Variants in PIP5K1A observed in about 807,000 individuals in gnomAD.
PIP5K1A encodes the protein phosphatidylinositol 4-phosphate 5-kinase type-1 alpha.
PIP5K1A carries 46 observed loss-of-function variants against 72.9 expected under a neutral mutation model. The ratio of observed to expected loss-of-function variants is 0.63; its 90% CI spans 0.50 to 0.81. The LOEUF is 0.81. PIP5K1A is among the 30% of genes least tolerant of loss of function. The probability of loss-of-function intolerance (pLI) is 0.00; values close to 1 mark genes in which losing one functional copy is unlikely to be tolerated. For synonymous variants in PIP5K1A, 228 were observed against 255.1 expected (o/e 0.89, Z 1.01); for missense variants, 458 against 706.1 (o/e 0.65, Z 3.98).
At chr1:151,224,451 T>A in intron 3 of PIP5K1A, 45 bp downstream of exon 3, 1 of 1,321,948 alleles carries the variant, frequency 7.6e-7, no homozygotes, top group Non-Finnish European at 1.1e-6. Context: ...TAGTTTATTT[T>A]AAATATTAAC....
At chr1:151,222,164 G>A (rs587673496) in intron 1 of PIP5K1A, among the ~76,000 whole-genome samples, 4 of 152,260 alleles carry the variant, frequency 2.6e-5, no homozygotes, top group African/African-American at 9.6e-5. Context: ...TCATTGGTAG[G>A]TTGGATCTCT....
At chr1:151,203,953 A>T (rs1685568989) in intron 1 of PIP5K1A, among the ~76,000 whole-genome samples, 5 of 152,194 alleles carry the variant, frequency 3.3e-5, no homozygotes, top group Admixed American at 2.6e-4. Flanking sequence ...TCATGTGCAC[A>T]AATGATTTAG....
intron 14 of PIP5K1A, among the ~76,000 whole-genome samples, chr1:151,245,063 G>A (rs1383732929): frequency 2.0e-5 from 3 of 151,208 alleles, no homozygotes; most frequent in Non-Finnish European, 2.9e-5. Context: ...TTTTAGCATC[G>A]TTTGCTCTCT....
At chr1:151,242,089 G>A (rs1192278256) in intron 12 of PIP5K1A, 34 bp from the exon 13 acceptor site, 1 of 1,611,792 alleles carries the variant, frequency 6.2e-7, no homozygotes, top group Non-Finnish European at 8.5e-7. Context: ...TGCTAAGGTA[G>A]TTGCTAAGTA....
chr1:151,208,361 CTTT>C (rs11340275), intron 1 of PIP5K1A, among the ~76,000 whole-genome samples: 30 of 125,936 alleles, frequency 2.4e-4, no homozygotes, highest in Admixed American at 2.4e-4. Context: ...GTTTTCTTTT[CTTT>C]TTTTTTTTTT....
chr1:151,206,722 C>T (rs1685985808), intron 1 of PIP5K1A, among the ~76,000 whole-genome samples: 1 of 152,090 alleles, frequency 6.6e-6, no homozygotes, highest in Non-Finnish European at 1.5e-5. Context: ...CGTGCCACCA[C>T]ATCCGGCTAA....
upstream of PIP5K1A, among the ~76,000 whole-genome samples, chr1:151,197,008 C>T (rs1169082750): frequency 5.9e-5 from 9 of 151,722 alleles, no homozygotes; most frequent in Admixed American, 5.9e-4. Context: ...TTACAGGCAC[C>T]CGCCACCACG....
rs988066710 is a variant in PIP5K1A at position 151,201,584 on chromosome 1, G to T, written c.85+2503G>T. Among the ~76,000 whole-genome samples, 36 of 152,002 alleles carry T rather than the reference G, an allele frequency of 2.4e-4. 1 individual carries two copies. Among genetic ancestry groups the T allele is most frequent in the African/African-American group, 7.5e-4 (31 of 41,412 alleles). Reference sequence around the variant, plus strand: ...TCAGCCAGACTAGTCTTGAACTCCTGACCTCAAGTAATCCGCCCACTTCGG... The same window carrying T: ...TCAGCCAGACTAGTCTTGAACTCCTTACCTCAAGTAATCCGCCCACTTCGG... On this transcript the variant is annotated intron_variant, in intron 1 of 15. Coordinates refer to ENST00000368888, the MANE Select transcript of PIP5K1A (RefSeq NM_001135638.2).
At chr1:151,196,073 A>C (rs1031993536), upstream of PIP5K1A, among the ~76,000 whole-genome samples, 2 of 150,890 alleles carry the variant, frequency 1.3e-5, no homozygotes, top group African/African-American at 4.9e-5. Flanking sequence ...AATTTTTTGT[A>C]TTTTTAGTAA....
At chr1:151,242,681 A>T (rs750576517) in intron 14 of PIP5K1A, 114 bp downstream of exon 14, 240 of 911,050 alleles carry the variant, frequency 2.6e-4, no homozygotes, top group Admixed American at 5.1e-4. Context: ...GTGGCTTAAA[A>T]TAACAAACAT....
rs151009566 is a variant in PIP5K1A at position 151,243,861 on chromosome 1, ATCT to A, written c.1640+1299_1640+1301del. Among the ~76,000 whole-genome samples the A allele has an allele frequency of 6.8e-3, 1,039 of 152,310 alleles. 8 individuals carry two copies. The highest frequency in any genetic ancestry group is 0.014 in the Middle Eastern group (4 of 294). On this transcript the variant is annotated intron_variant, in intron 14 of 15. Transcript: ENST00000368888. ...TTAGACAAAAGCCACACTCATAAAT[ATCT>A]TCTTTATGAGACCTAAGCTTCTTAC...
chr1:151,216,900 GTTTTTTTTTTTTTTT>G (rs78155966), intron 1 of PIP5K1A, among the ~76,000 whole-genome samples: 3 of 136,674 alleles, frequency 2.2e-5, no homozygotes, highest in Admixed American at 7.8e-5. Context: ...CTTAGTAAAT[GTTTTTTTTTTTTTTT>G]TTTTTTTTTT....
intron 1 of PIP5K1A, among the ~76,000 whole-genome samples, chr1:151,220,784 A>C (rs952406090): frequency 6.6e-6 from 1 of 152,140 alleles, no homozygotes; most frequent in Admixed American, 6.6e-5. Flanking sequence ...TAGCTTTGAT[A>C]ACAGCATTTT....
chr1:151,206,352 A>G (rs1685925462), intron 1 of PIP5K1A, among the ~76,000 whole-genome samples: 1 of 152,178 alleles, frequency 6.6e-6, no homozygotes, highest in Admixed American at 6.6e-5. Context: ...TAGGGAGTTC[A>G]GCATATTCTT....
chr1:151,198,270 T>A (rs1684726092), upstream of PIP5K1A, among the ~76,000 whole-genome samples: 1 of 152,170 alleles, frequency 6.6e-6, no homozygotes, highest in Non-Finnish European at 1.5e-5. Context: ...GAGAGTTCTT[T>A]CCTGGGTTAG....
At chr1:151,200,736 C>T (rs918304562) in intron 1 of PIP5K1A, among the ~76,000 whole-genome samples, 37 of 151,968 alleles carry the variant, frequency 2.4e-4, no homozygotes, top group Admixed American at 1.3e-3. Flanking sequence ...TTTACCTTTC[C>T]TATAAAAGTA....
chr1:151,240,974 A>T (rs963854228), intron 12 of PIP5K1A, among the ~76,000 whole-genome samples: 9 of 151,762 alleles, frequency 5.9e-5, no homozygotes, highest in African/African-American at 2.2e-4. Context: ...AGACCAGTCT[A>T]ACCAACGTGT....
In PIP5K1A at chr1:151,243,460, T is replaced by C. The variant is rs1325637195; in HGVS notation, c.1640+893T>C. 2.6e-5 allele frequency among the ~76,000 whole-genome samples: 4 copies of C among 152,174 alleles called. No individual in the cohort carries two copies. The South Asian group carries it at 6.2e-4, about 24-fold the overall frequency. ...GGTGAGACAGGCATTAGATAACCAA[T>C]ATACACATTTCTGTACATAAAAGGG... On this transcript the variant is annotated intron_variant, in intron 14 of 15. Transcript: ENST00000368888.
intron 1 of PIP5K1A, among the ~76,000 whole-genome samples, chr1:151,212,494 C>T (rs934071946): frequency 2.0e-5 from 3 of 152,076 alleles, no homozygotes; most frequent in Admixed American, 6.6e-5. Context: ...AAGGTGGGGC[C>T]GAGGATCAAA....
Sources: allele counts gnomAD v4.1 joint callset (sites outside exome capture counted in the v4.1 genomes callset), GRCh38; gene constraint gnomAD v4.1.1; transcripts MANE v1.5; gene names NCBI Gene and HGNC (gene_info 2026-07-23, HGNC 2026-07-21).